The following TRPM6 variants were observed in gnomAD, a reference collection of about 807,000 sequenced individuals.
TRPM6 encodes channel kinase 2.
A neutral mutation model predicts 247.6 loss-of-function variants in TRPM6; 111 were observed. The ratio of observed to expected loss-of-function variants is 0.45; its 90% CI spans 0.38 to 0.52. The LOEUF (loss-of-function observed/expected upper bound fraction) is 0.52. TRPM6 is among the 20% of genes least tolerant of loss of function. The pLI, the probability that TRPM6 is intolerant of heterozygous loss-of-function variation, is 0.00. For synonymous variants in TRPM6, 892 were observed against 853.8 expected (o/e 1.04, Z -0.78); for missense variants, 2,126 against 2,421.5 (o/e 0.88, Z 2.56).
In TRPM6 at chr9:74,776,086, G is replaced by T. The variant is rs1448892800; in HGVS notation, c.3210-10C>A. On this transcript the variant is annotated splice_polypyrimidine_tract_variant and intron_variant, in intron 23 of 38. Coordinates refer to ENST00000360774, the MANE Select transcript of TRPM6 (RefSeq NM_017662.5). ...ATCTAAGTAAACGTTGCTGTAAGAT[G>T]AAGTAAGAGAGGGACAATGTTTTAA... 1.2e-6 allele frequency: 2 copies of T among 1,607,518 alleles called. No individual in the cohort carries two copies. Among genetic ancestry groups the T allele is most frequent in the Admixed American group, 3.3e-5 (2 of 60,008 alleles).
intron 21 of TRPM6, among the ~76,000 whole-genome samples, chr9:74,783,754 A>G (rs1827544699): frequency 6.6e-6 from 1 of 152,222 alleles, no homozygotes; most frequent in Non-Finnish European, 1.5e-5. Context: ...TTTCTGGTCT[A>G]AGAGAAAAAT....
intron 1 of TRPM6, among the ~76,000 whole-genome samples, chr9:74,877,837 C>T (rs11144130): frequency 0.39 from 59,875 of 151,978 alleles, 12,751 homozygotes; most frequent in East Asian, 0.5. Flanking sequence ...ACAATGCAGC[C>T]GCTGCCACTC....
At chr9:74,767,002 G>A (rs1331989755) in intron 25 of TRPM6, among the ~76,000 whole-genome samples, 1 of 152,156 alleles carries the variant, frequency 6.6e-6, no homozygotes, top group Admixed American at 6.5e-5. Context: ...TCCATATTCA[G>A]TGGCATTGAC....
At chr9:74,751,127 A>G (rs2118787970) in intron 29 of TRPM6, among the ~76,000 whole-genome samples, 1 of 152,342 alleles carries the variant, frequency 6.6e-6, no homozygotes, top group Middle Eastern at 3.4e-3. Context: ...TCACATTGTT[A>G]TGTCTTATGA....
intron 1 of TRPM6, among the ~76,000 whole-genome samples, chr9:74,867,737 G>C (rs1432880091): frequency 6.6e-6 from 1 of 152,028 alleles, no homozygotes; most frequent in African/African-American, 2.4e-5. Context: ...CAATCCATAG[G>C]CAGGATACAT....
chr9:74,771,233 A>C (rs1827024008), intron 25 of TRPM6, among the ~76,000 whole-genome samples: 1 of 152,174 alleles, frequency 6.6e-6, no homozygotes, highest in Non-Finnish European at 1.5e-5. Context: ...CAGACCATCT[A>C]AACAGTCCAC....
At chr9:74,852,433 C>T (rs1396795326) in intron 3 of TRPM6, among the ~76,000 whole-genome samples, 1 of 146,690 alleles carries the variant, frequency 6.8e-6, no homozygotes, top group Non-Finnish European at 1.5e-5. Flanking sequence ...TCTCCCGCTC[C>T]CTCTCCCGCT....
chr9:74,737,345 G>T, intron 36 of TRPM6: 1 of 1,282,198 alleles, frequency 7.8e-7, no homozygotes, highest in Non-Finnish European at 1.0e-6. Context: ...AAAGTACTTT[G>T]CAGTCTTACC....
intron 4 of TRPM6, 99 bp from the exon 5 acceptor site, chr9:74,840,336 A>C (rs1431515684): frequency 1.3e-6 from 1 of 771,842 alleles, no homozygotes; most frequent in Non-Finnish European, 2.3e-6. Context: ...AATGGCCAAA[A>C]TCTAAAAGGA....
chr9:74,840,754 T>C (rs934795775), intron 4 of TRPM6, among the ~76,000 whole-genome samples: 1 of 148,828 alleles, frequency 6.7e-6, no homozygotes, highest in Non-Finnish European at 1.5e-5. Context: ...GAGGCGGAGG[T>C]TGCAGTGAGC....
intron 5 of TRPM6, among the ~76,000 whole-genome samples, chr9:74,836,010 A>G (rs562339087): frequency 1.3e-5 from 2 of 152,264 alleles, no homozygotes; most frequent in East Asian, 3.9e-4. Flanking sequence ...ATCAGTTTAC[A>G]TTAGGGTTCA....
intron 1 of TRPM6, among the ~76,000 whole-genome samples, chr9:74,884,317 G>A (rs983417518): frequency 3.3e-5 from 5 of 151,626 alleles, no homozygotes; most frequent in African/African-American, 4.8e-5. Context: ...GTGAAACCCC[G>A]TCTCGACTAA....
At chr9:74,814,274 G>A (rs1828847488) in intron 11 of TRPM6, among the ~76,000 whole-genome samples, 2 of 152,076 alleles carry the variant, frequency 1.3e-5, no homozygotes, top group South Asian at 2.1e-4. Context: ...TGGAGATGGA[G>A]AGCAGAAGGA....
At position 74,838,588 on chromosome 9, in the gene TRPM6, T is replaced by A. The variant is rs73650086; in HGVS notation, c.544+1436A>T. Reference sequence around the variant, plus strand: ...CCAGAAGGAGAGCTAACACACTGACTCATCCTAGCCTGTAAGGCAAAATAC... The same window carrying A: ...CCAGAAGGAGAGCTAACACACTGACACATCCTAGCCTGTAAGGCAAAATAC... On this transcript the variant is annotated intron_variant, in intron 5 of 38. Coordinates refer to ENST00000360774, the MANE Select transcript of TRPM6 (RefSeq NM_017662.5). Among the ~76,000 whole-genome samples, 1,147 of 152,334 alleles carry A rather than the reference T, an allele frequency of 7.5e-3. 10 individuals carry two copies. The highest frequency in any genetic ancestry group is 0.026 in the African/African-American group (1,089 of 41,580).
At chr9:74,838,010 G>T (rs768030692) in intron 5 of TRPM6, among the ~76,000 whole-genome samples, 1 of 152,044 alleles carries the variant, frequency 6.6e-6, no homozygotes, top group Admixed American at 6.6e-5. Context: ...TCAGCTTCCC[G>T]AAAGGCTGGG....
intron 1 of TRPM6, among the ~76,000 whole-genome samples, chr9:74,877,137 G>A (rs76876243): frequency 0.033 from 5,004 of 152,250 alleles, 122 homozygotes; most frequent in Non-Finnish European, 0.053. Context: ...AAATAATACA[G>A]TTGCTTTGAA....
chr9:74,806,261 G>T (rs940981927), intron 14 of TRPM6, among the ~76,000 whole-genome samples: 2 of 151,280 alleles, frequency 1.3e-5, no homozygotes, highest in Non-Finnish European at 2.9e-5. Context: ...AAAACCATAG[G>T]CTTTTTAAAA....
In TRPM6 at chr9:74,822,981, G is replaced by C. The variant is rs557552654; in HGVS notation, c.842-1144C>G. ...GTGGAAAAGAGAAGGGAAGGTTTAG[G>C]AAAATGTTGAAAAGGGACCTTGTCT... On this transcript the variant is annotated intron_variant, in intron 7 of 38. Transcript: ENST00000360774. Among the ~76,000 whole-genome samples, 8 of 152,242 alleles carry C rather than the reference G, an allele frequency of 5.3e-5. No individual in the cohort carries two copies. In the South Asian group the frequency reaches 1.7e-3, roughly 32 times the overall value.
intron 38 of TRPM6, among the ~76,000 whole-genome samples, chr9:74,725,016 A>G (rs976285926): frequency 6.6e-6 from 1 of 152,206 alleles, no homozygotes. Context: ...AGTGCCCTAT[A>G]AGGCATAATC....
Sources: gnomAD v4.1 joint callset for allele counts (sites outside exome capture counted in the v4.1 genomes callset) on GRCh38, gnomAD v4.1.1 for gene constraint, MANE v1.5 for transcripts, NCBI Gene and HGNC (gene_info 2026-07-23, HGNC 2026-07-21) for gene names.